Variants in ANAPC10 observed in about 807,000 individuals in gnomAD.
ANAPC10 encodes anaphase-promoting complex subunit 10.
A neutral mutation model predicts 22.0 loss-of-function variants in ANAPC10; 12 were observed. The observed-to-expected ratio is 0.55, with a 90% CI of 0.35 to 0.88. The LOEUF (loss-of-function observed/expected upper bound fraction) is 0.88, where lower values mean the gene tolerates loss of function less well. ANAPC10 is among the 40% of genes least tolerant of loss of function. ANAPC10 has a pLI of 0.01. For missense variants in ANAPC10, 188 were observed against 220.9 expected (o/e 0.85, Z 0.94); for synonymous variants, 65 against 69.5 (o/e 0.94, Z 0.32).
intron 3 of ANAPC10, among the ~76,000 whole-genome samples, chr4:145,065,230 C>T (rs2126474714): frequency 6.6e-6 from 1 of 151,640 alleles, no homozygotes; most frequent in East Asian, 1.9e-4. Context: ...CTTTCTTTTG[C>T]TATTGATTTT....
At chr4:145,057,037 T>C (rs1441118151) in intron 4 of ANAPC10, among the ~76,000 whole-genome samples, 2 of 152,134 alleles carry the variant, frequency 1.3e-5, no homozygotes, top group African/African-American at 2.4e-5. Flanking sequence ...TACAGGACAA[T>C]GCTCTTGAAA....
At chr4:145,000,888 T>C (rs1732425057) in intron 4 of ANAPC10, among the ~76,000 whole-genome samples, 2 of 152,102 alleles carry the variant, frequency 1.3e-5, no homozygotes, top group Admixed American at 1.3e-4. Context: ...GTTCATGTCC[T>C]TTGCAGGGAC....
At chr4:145,092,615 T>C (rs562966730) in intron 2 of ANAPC10, among the ~76,000 whole-genome samples, 2 of 152,296 alleles carry the variant, frequency 1.3e-5, no homozygotes, top group East Asian at 3.9e-4. Context: ...GAATTCACAC[T>C]GACTCTCAGA....
chr4:145,007,031 G>C (rs1474687475), intron 4 of ANAPC10, among the ~76,000 whole-genome samples: 3 of 151,886 alleles, frequency 2.0e-5, no homozygotes, highest in African/African-American at 4.8e-5. Context: ...CATCTCCTGG[G>C]AGGCGCGGGT....
At chr4:145,045,740 C>A (rs1175242208) in intron 4 of ANAPC10, among the ~76,000 whole-genome samples, 2 of 152,070 alleles carry the variant, frequency 1.3e-5, no homozygotes, top group African/African-American at 2.4e-5. Flanking sequence ...TAAAATGTCA[C>A]ACGTCAATAC....
At chr4:145,016,456 G>C (rs1340019280) in intron 4 of ANAPC10, among the ~76,000 whole-genome samples, 3 of 152,022 alleles carry the variant, frequency 2.0e-5, no homozygotes, top group African/African-American at 7.2e-5. Flanking sequence ...AACCACTGCT[G>C]AACAAAATAA....
chr4:145,034,425 G>C (rs1410087920), intron 4 of ANAPC10, among the ~76,000 whole-genome samples: 2 of 151,432 alleles, frequency 1.3e-5, no homozygotes, highest in African/African-American at 4.9e-5. Context: ...AAGTTCTTTA[G>C]TTTTGGGACT....
At chr4:145,053,361 T>C (rs1741412558) in intron 4 of ANAPC10, among the ~76,000 whole-genome samples, 1 of 152,202 alleles carries the variant, frequency 6.6e-6, no homozygotes, top group Admixed American at 6.5e-5. Flanking sequence ...TACCACTTAG[T>C]CTAAATCTAG....
chr4:145,082,594 A>T (rs1034962739), intron 2 of ANAPC10, among the ~76,000 whole-genome samples: 4 of 152,252 alleles, frequency 2.6e-5, no homozygotes, highest in African/African-American at 9.6e-5. Context: ...ACAAGAAAAA[A>T]GATGACTTAA....
intron 2 of ANAPC10, among the ~76,000 whole-genome samples, chr4:145,088,022 T>C (rs1747147146): frequency 6.6e-6 from 1 of 152,090 alleles, no homozygotes; most frequent in Admixed American, 6.5e-5. Context: ...CACTCCAGCT[T>C]GGGCAACAGA....
intron 4 of ANAPC10, among the ~76,000 whole-genome samples, chr4:145,028,054 A>G (rs570132133): frequency 6.6e-6 from 1 of 152,302 alleles, no homozygotes; most frequent in South Asian, 2.1e-4. Flanking sequence ...GAAAATGGGG[A>G]GGGAGCCAGG....
intron 4 of ANAPC10, among the ~76,000 whole-genome samples, chr4:144,997,643 C>T (rs1046495300): frequency 6.6e-5 from 10 of 152,286 alleles, no homozygotes; most frequent in Non-Finnish European, 1.2e-4. Context: ...ATTGTAAAGA[C>T]CATCAATGCT....
At chr4:145,014,050 G>T (rs1439813579) in intron 4 of ANAPC10, among the ~76,000 whole-genome samples, 2 of 152,116 alleles carry the variant, frequency 1.3e-5, no homozygotes, top group East Asian at 1.9e-4. Context: ...GCTGAATTTT[G>T]TAACAATTTG....
At chr4:145,034,773 T>C (rs2127083541) in intron 4 of ANAPC10, among the ~76,000 whole-genome samples, 1 of 151,856 alleles carries the variant, frequency 6.6e-6, no homozygotes, top group East Asian at 1.9e-4. Context: ...GGATGTGTGT[T>C]AGGCTGCAGT....
intron 4 of ANAPC10, among the ~76,000 whole-genome samples, chr4:145,009,544 C>T (rs62343146): frequency 0.02 from 3,021 of 152,222 alleles, 53 homozygotes; most frequent in Non-Finnish European, 0.032. Context: ...TGATGTTTGA[C>T]AAACCTGACA....
intron 2 of ANAPC10, among the ~76,000 whole-genome samples, chr4:145,091,185 G>T (rs1451446469): frequency 6.6e-6 from 1 of 152,154 alleles, no homozygotes; most frequent in Admixed American, 6.5e-5. Flanking sequence ...AGTAACTATT[G>T]ATCTCTTCTG....
intron 3 of ANAPC10, among the ~76,000 whole-genome samples, chr4:145,065,629 G>C (rs1231246292): frequency 6.6e-6 from 1 of 151,862 alleles, no homozygotes; most frequent in Admixed American, 6.6e-5. Flanking sequence ...ATTAAAAACA[G>C]CCTAAATATC....
intron 3 of ANAPC10, among the ~76,000 whole-genome samples, chr4:145,077,805 T>G (rs1315727665): frequency 6.6e-6 from 1 of 152,080 alleles, no homozygotes; most frequent in Non-Finnish European, 1.5e-5. Context: ...CAGAAAAGGC[T>G]TTCAATAAAA....
At chr4:144,997,421 G>A (rs1031988878) in intron 4 of ANAPC10, among the ~76,000 whole-genome samples, 1 of 152,164 alleles carries the variant, frequency 6.6e-6, no homozygotes, top group Non-Finnish European at 1.5e-5. Flanking sequence ...GAAGAGAGTG[G>A]GGGCCAATAT....
Sources: gnomAD v4.1 joint callset for allele counts (sites outside exome capture counted in the v4.1 genomes callset) on GRCh38, gnomAD v4.1.1 for gene constraint, MANE v1.5 for transcripts, NCBI Gene and HGNC (gene_info 2026-07-23, HGNC 2026-07-21) for gene names.